The following SZRD1 variants were observed in gnomAD, a reference collection of about 807,000 sequenced individuals.
The protein encoded by SZRD1 is SUZ RNA binding domain containing 1.
Under a neutral mutation model 17.6 loss-of-function variants are expected in SZRD1, and 7 were observed. That is an observed-to-expected ratio of 0.40 (90% confidence interval 0.23 to 0.75). The LOEUF is 0.75. Ranked by LOEUF, SZRD1 falls within the 30% of genes least tolerant of loss-of-function variation. The pLI is 0.38. For missense variants in SZRD1, 178 were observed against 201.8 expected (o/e 0.88, Z 0.71); for synonymous variants, 77 against 77.9 (o/e 0.99, Z 0.06).
At chr1:16,369,443 C>T in intron 1 of SZRD1, 1 of 1,052,396 alleles carries the variant, frequency 9.5e-7, no homozygotes, top group African/African-American at 1.6e-5. Flanking sequence ...ATTCCATCTT[C>T]TACGGGGTGA....
At chr1:16,379,065 C>G (rs889452144) in intron 1 of SZRD1, among the ~76,000 whole-genome samples, 8 of 151,604 alleles carry the variant, frequency 5.3e-5, no homozygotes, top group African/African-American at 1.7e-4. Context: ...ATGCCACCTG[C>G]CTGCCAGTGT....
Position 16,395,162 on chromosome 1 carries a change from G to A in SZRD1, c.*22G>A, listed in dbSNP as rs878964801. The A allele has an allele frequency of 3.2e-6, 5 of 1,541,078 alleles. No homozygotes were observed. Among genetic ancestry groups the A allele is most frequent in the East Asian group, 2.2e-5 (1 of 44,584 alleles). On this transcript the variant is annotated 3_prime_UTR_variant, in exon 4 of 4. Transcript: ENST00000401088. ...ATAAATGCAGGCAAGAAAAGATGCCGCCGTTGCTGCCGTCACCGCCTCCTG... is the reference window on the plus strand; with the variant it reads ...ATAAATGCAGGCAAGAAAAGATGCCACCGTTGCTGCCGTCACCGCCTCCTG...
At chr1:16,386,565 G>C (rs542015232) in intron 1 of SZRD1, among the ~76,000 whole-genome samples, 1 of 152,306 alleles carries the variant, frequency 6.6e-6, no homozygotes, top group African/African-American at 2.4e-5. Context: ...GAAGAGAATA[G>C]ACTGACTCAT....
rs1484683276 is a variant in SZRD1, at chr1:16,367,242, G to A, written c.-16G>A. ...CGCGGGGAGGGGGTGGGGGAGGAGGGAAAGCGGCGAGTAAGATGGAAGATG... is the reference window on the plus strand; with the variant it reads ...CGCGGGGAGGGGGTGGGGGAGGAGGAAAAGCGGCGAGTAAGATGGAAGATG... On this transcript the variant is annotated 5_prime_UTR_variant, in exon 1 of 4. Transcript: ENST00000401088. 1.3e-6 allele frequency: 2 copies of A among 1,547,562 alleles called. No homozygotes were observed. The highest frequency in any genetic ancestry group is 1.7e-6 in the Non-Finnish European group (2 of 1,145,918).
At chr1:16,379,319 A>C (rs7548823) in intron 1 of SZRD1, among the ~76,000 whole-genome samples, 2,752 of 150,518 alleles carry the variant, frequency 0.018, 81 homozygotes, top group African/African-American at 0.063. Flanking sequence ...GGGTTTTACC[A>C]TGTTAGCCAG....
Position 16,398,118 on chromosome 1 carries a change from AT to A in SZRD1, c.*2982del. 1.7e-6 allele frequency: 1 copy of A among 572,402 alleles called. No individual in the cohort carries two copies. Among genetic ancestry groups the A allele is most frequent in the Non-Finnish European group, 2.2e-6 (1 of 452,396 alleles). The allele number at this position is 572,402 out of a possible 1,614,324, so 35.5% of individuals were successfully genotyped here. On this transcript the variant is annotated 3_prime_UTR_variant, in exon 4 of 4. Coordinates refer to ENST00000401088, the MANE Select transcript of SZRD1 (RefSeq NM_001114600.3). ...GCAGATTAAGCATTTTATAAATTGT[AT>A]TTTAAATACATGTTTTAAACTTGTC...
chr1:16,397,971 C>T lies in SZRD1; in HGVS notation c.*2831C>T, dbSNP rs1277198181. On this transcript the variant is annotated 3_prime_UTR_variant, in exon 4 of 4. Transcript: ENST00000401088. This position sits in a 1 kb window ranked among gnomAD's most constrained non-coding sequence, Gnocchi z 5.4. ...GTGTGATCCCAGGGGTGCACATGGG[C>T]CCCTTGGGTGTCTGAACAGAAGGGC... 1 of 695,652 alleles carries T rather than the reference C, an allele frequency of 1.4e-6. No individual in the cohort carries two copies. The highest frequency in any genetic ancestry group is 1.9e-5 in the African/African-American group (1 of 51,776). The allele number at this position is 695,652 out of a possible 1,614,324, so 43.1% of individuals were successfully genotyped here.
At chr1:16,367,513 G>C (rs1228632463) in intron 1 of SZRD1, among the ~76,000 whole-genome samples, 2 of 152,216 alleles carry the variant, frequency 1.3e-5, no homozygotes, top group East Asian at 3.9e-4. Context: ...TTTGCCTGGT[G>C]CGCCTCCCTC....
At chr1:16,373,954 T>G (rs1317412760) in intron 1 of SZRD1, among the ~76,000 whole-genome samples, 1 of 152,144 alleles carries the variant, frequency 6.6e-6, no homozygotes, top group African/African-American at 2.4e-5. Context: ...TTCTCTTTCT[T>G]TGGAGAAGAG....
chr1:16,389,692 G>T (rs565187341), intron 1 of SZRD1, among the ~76,000 whole-genome samples: 3 of 150,948 alleles, frequency 2.0e-5, no homozygotes, highest in Non-Finnish European at 3.0e-5. Flanking sequence ...TGATCCGCCC[G>T]CCTCGGCCTC....
rs532708732 is a variant in SZRD1, at chr1:16,385,586, C to T, written c.52-5789C>T. 2.6e-5 allele frequency among the ~76,000 whole-genome samples: 4 copies of T among 152,218 alleles called. No homozygotes were observed. The East Asian group carries it at 7.7e-4, about 29-fold the overall frequency. ...CTTAACGTTACAGGAGTAAACCTAC[C>T]ACTGTAATCTGCTTCACCTTACAGA... On this transcript the variant is annotated intron_variant, in intron 1 of 3. Coordinates refer to ENST00000401088, the MANE Select transcript of SZRD1 (RefSeq NM_001114600.3).
At chr1:16,376,146 T>C (rs949596392) in intron 1 of SZRD1, among the ~76,000 whole-genome samples, 2 of 152,218 alleles carry the variant, frequency 1.3e-5, no homozygotes, top group African/African-American at 4.8e-5. Context: ...GAGGAAATCA[T>C]GTGGTCGGTC....
intron 1 of SZRD1, among the ~76,000 whole-genome samples, chr1:16,376,805 C>CAA (rs59746262): frequency 0.42 from 31,443 of 75,174 alleles, 5,860 homozygotes; most frequent in East Asian, 0.69. Context: ...GACTCTGTCT[C>CAA]AAAAAAAAAA....
At position 16,398,067 on chromosome 1, in the gene SZRD1, A is replaced by T; in HGVS notation, c.*2927A>T. 1 of 887,490 alleles carries T rather than the reference A, an allele frequency of 1.1e-6. No individual in the cohort carries two copies. The highest frequency in any genetic ancestry group is 1.3e-6 in the Non-Finnish European group (1 of 740,756). The allele number at this position is 887,490 out of a possible 1,614,324, so 55.0% of individuals were successfully genotyped here. A position where few individuals can be genotyped will look rare whatever the true frequency, so the allele number is the denominator to read the frequency against. ...GCGGGCAGCTGCCCACTCCCACCCC[A>T]CCCTGCACCGCGGGCTCCTGAGTCG... On this transcript the variant is annotated 3_prime_UTR_variant, in exon 4 of 4. Transcript: ENST00000401088.
intron 1 of SZRD1, among the ~76,000 whole-genome samples, chr1:16,376,805 C>CAAAAAAAA (rs59746262): frequency 1.3e-5 from 1 of 75,616 alleles, no homozygotes; most frequent in Non-Finnish European, 2.5e-5. Flanking sequence ...GACTCTGTCT[C>CAAAAAAAA]AAAAAAAAAA....
At position 16,393,539 on chromosome 1, in the gene SZRD1, G is replaced by A. The variant is rs2085251609; in HGVS notation, c.356+57G>A. ...GGCTGTCCCAGTCCACCCGGGAAGA[G>A]GAGAGCATCCTGGCTGCGTGTAGAG... On this transcript the variant is annotated intron_variant, in intron 3 of 3. Transcript: ENST00000401088. This position sits in a 1 kb window ranked among gnomAD's most constrained non-coding sequence, Gnocchi z 5.6. 2.0e-6 allele frequency: 3 copies of A among 1,536,898 alleles called. No individual in the cohort carries two copies. Among genetic ancestry groups the A allele is most frequent in the Non-Finnish European group, 2.6e-6 (3 of 1,140,056 alleles).
chr1:16,394,075 A>G (rs1185511173), intron 3 of SZRD1, among the ~76,000 whole-genome samples: 3 of 152,228 alleles, frequency 2.0e-5, no homozygotes, highest in Non-Finnish European at 2.9e-5. Context: ...GTTGCATCAT[A>G]TAAGTTTATC....
chr1:16,372,134 T>C (rs549752970), intron 1 of SZRD1, among the ~76,000 whole-genome samples: 2 of 152,278 alleles, frequency 1.3e-5, no homozygotes, highest in South Asian at 2.1e-4. Context: ...TTTTCTTTTT[T>C]TTTTGAGACA....
At position 16,393,553 on chromosome 1, in the gene SZRD1, C is replaced by A; in HGVS notation, c.356+71C>A. On this transcript the variant is annotated intron_variant, in intron 3 of 3. Transcript: ENST00000401088. The surrounding 1 kb of genome is among the most constrained non-coding windows in gnomAD (Gnocchi z 5.6). ...ACCCGGGAAGAGGAGAGCATCCTGG[C>A]TGCGTGTAGAGTAGTGAGAAGCAAG... is the stretch of plus-strand genomic sequence containing the variant. The A allele has an allele frequency of 6.7e-7, 1 of 1,488,818 alleles. No individual in the cohort carries two copies. The highest frequency in any genetic ancestry group is 2.0e-5 in the Admixed American group (1 of 50,322). The allele number at this position is 1,488,818 out of a possible 1,614,324, so 92.2% of individuals were successfully genotyped here. A position where few individuals can be genotyped will look rare whatever the true frequency, so the allele number is the denominator to read the frequency against.
Sources: allele counts gnomAD v4.1 joint callset (sites outside exome capture counted in the v4.1 genomes callset), GRCh38; gene constraint gnomAD v4.1.1; non-coding constraint Gnocchi (gnomAD v3.1); transcripts MANE v1.5; gene names NCBI Gene and HGNC (gene_info 2026-07-23, HGNC 2026-07-21).